DCC: variants seen among roughly 807,000 people sequenced by gnomAD.
The protein encoded by DCC is DCC netrin 1 receptor.
Under a neutral mutation model 172.5 loss-of-function variants are expected in DCC, and 58 were observed. The ratio of observed to expected loss-of-function variants is 0.34; its 90% CI spans 0.27 to 0.42. The LOEUF (loss-of-function observed/expected upper bound fraction) is 0.42. Among genes scored for constraint, DCC ranks in the 10% least tolerant of loss-of-function variants. DCC has a pLI of 1.00. For missense variants in DCC, 1,740 were observed against 1,791.0 expected (o/e 0.97, Z 0.51); for synonymous variants, 709 against 644.5 (o/e 1.10, Z -1.52).
At chr18:52,491,939 T>C (rs1311414365) in intron 1 of DCC, among the ~76,000 whole-genome samples, 1 of 151,756 alleles carries the variant, frequency 6.6e-6, no homozygotes, top group African/African-American at 2.4e-5. Context: ...TGGTGTGACA[T>C]AAATTGGATA....
intron 1 of DCC, among the ~76,000 whole-genome samples, chr18:52,591,254 A>C (rs1383100690): frequency 6.6e-6 from 1 of 152,172 alleles, no homozygotes; most frequent in East Asian, 1.9e-4. Flanking sequence ...AAAGCATGCT[A>C]ATTATGGAAA....
intron 5 of DCC, among the ~76,000 whole-genome samples, chr18:52,942,881 A>T (rs1186988772): frequency 1.3e-5 from 2 of 152,220 alleles, no homozygotes; most frequent in East Asian, 3.8e-4. Context: ...CATACAAAAT[A>T]ATTATCATGA....
chr18:52,413,194 T>C (rs1212903260), intron 1 of DCC, among the ~76,000 whole-genome samples: 4 of 151,636 alleles, frequency 2.6e-5, no homozygotes, highest in South Asian at 4.2e-4. Flanking sequence ...AGTAAGAAAA[T>C]TGGACAGAGT....
intron 2 of DCC, among the ~76,000 whole-genome samples, chr18:52,842,117 T>C (rs1357628217): frequency 6.6e-6 from 1 of 152,142 alleles, no homozygotes; most frequent in Non-Finnish European, 1.5e-5. Context: ...AAACTTATCA[T>C]TGAATGTGTA....
chr18:52,844,320 G>GCCGA (rs1897608452), intron 2 of DCC, among the ~76,000 whole-genome samples: 1 of 151,130 alleles, frequency 6.6e-6, no homozygotes, highest in South Asian at 2.1e-4. Context: ...ACATAGATAG[G>GCCGA]CAGACAGACA....
At chr18:52,763,317 G>C (rs191933223) in intron 2 of DCC, among the ~76,000 whole-genome samples, 1 of 152,280 alleles carries the variant, frequency 6.6e-6, no homozygotes, top group East Asian at 1.9e-4. Flanking sequence ...GGTTTTATTG[G>C]ATTGGATTTT....
At chr18:52,906,428 T>C in intron 3 of DCC, 100 bp downstream of exon 3, 1 of 1,240,280 alleles carries the variant, frequency 8.1e-7, no homozygotes. Context: ...TTATAAGTTC[T>C]GTATTGTTCA....
At chr18:52,604,398 A>T (rs1183827838) in intron 1 of DCC, among the ~76,000 whole-genome samples, 1 of 152,144 alleles carries the variant, frequency 6.6e-6, no homozygotes, top group African/African-American at 2.4e-5. Flanking sequence ...TGGCTTAAAC[A>T]ATAGGTGGCT....
intron 1 of DCC, among the ~76,000 whole-genome samples, chr18:52,582,671 A>G (rs1337321501): frequency 6.6e-6 from 1 of 152,194 alleles, no homozygotes. Flanking sequence ...GACTAGGGAC[A>G]GGGCCATTAC....
At chr18:53,523,586 G>A (rs529377273) in intron 27 of DCC, among the ~76,000 whole-genome samples, 1 of 152,098 alleles carries the variant, frequency 6.6e-6, no homozygotes, top group African/African-American at 2.4e-5. Flanking sequence ...CCATAAAAAA[G>A]GATGAGTTCA....
intron 2 of DCC, among the ~76,000 whole-genome samples, chr18:52,815,843 G>A (rs2038287455): frequency 6.6e-6 from 1 of 152,126 alleles, no homozygotes; most frequent in Non-Finnish European, 1.5e-5. Context: ...ACTCCAGCTG[G>A]ATTTGCTTTA....
intron 3 of DCC, among the ~76,000 whole-genome samples, chr18:52,912,891 A>G (rs1196696611): frequency 6.6e-6 from 1 of 152,096 alleles, no homozygotes; most frequent in Admixed American, 6.6e-5. Context: ...CTAATCCTTA[A>G]AAGCTGCAAG....
chr18:52,679,496 T>C (rs1158827340), intron 1 of DCC, among the ~76,000 whole-genome samples: 1 of 152,184 alleles, frequency 6.6e-6, no homozygotes, highest in East Asian at 1.9e-4. Context: ...CCCCCATCTT[T>C]GTAATGCCTG....
chr18:52,395,569 G>T, intron 1 of DCC, among the ~76,000 whole-genome samples: 1 of 152,018 alleles, frequency 6.6e-6, no homozygotes, highest in East Asian at 1.9e-4. Context: ...TTATCAGTTG[G>T]AGTGACACAG....
At chr18:52,913,914 T>G (rs1202711993) in intron 3 of DCC, among the ~76,000 whole-genome samples, 3 of 152,040 alleles carry the variant, frequency 2.0e-5, no homozygotes, top group Non-Finnish European at 2.9e-5. Flanking sequence ...TTGGCCTCAT[T>G]TGCCATCTAT....
intron 2 of DCC, among the ~76,000 whole-genome samples, chr18:52,868,180 T>A (rs1598882757): frequency 6.6e-6 from 1 of 152,008 alleles, no homozygotes; most frequent in African/African-American, 2.4e-5. Context: ...CAGATTCACC[T>A]TTTGGTCACT....
chr18:53,167,216 T>G (rs2144428038), intron 8 of DCC, among the ~76,000 whole-genome samples: 1 of 152,314 alleles, frequency 6.6e-6, no homozygotes, highest in Middle Eastern at 3.4e-3. Context: ...GGCAAGATGA[T>G]ATGTATTTAC....
At chr18:53,491,249 T>C (rs1022724211) in intron 26 of DCC, among the ~76,000 whole-genome samples, 2 of 152,056 alleles carry the variant, frequency 1.3e-5, no homozygotes, top group East Asian at 3.9e-4. Context: ...AAAAAGAAAA[T>C]TCAGTGGCGT....
At chr18:52,985,615 T>C (rs1393047124) in intron 5 of DCC, among the ~76,000 whole-genome samples, 1 of 152,116 alleles carries the variant, frequency 6.6e-6, no homozygotes, top group Non-Finnish European at 1.5e-5. Context: ...TCACAGGGTA[T>C]CTTTTAACTC....
Sources: allele counts gnomAD v4.1 joint callset (sites outside exome capture counted in the v4.1 genomes callset), GRCh38; gene constraint gnomAD v4.1.1; transcripts MANE v1.5; gene names NCBI Gene and HGNC (gene_info 2026-07-23, HGNC 2026-07-21).